The following NLRP13 variants were observed in gnomAD, a reference collection of about 807,000 sequenced individuals.
NLRP13 encodes the protein NACHT, LRR and PYD domains-containing protein 13.
NLRP13 carries 82 observed loss-of-function variants against 94.4 expected under a neutral mutation model. The observed-to-expected ratio is 0.87, with a 90% CI of 0.73 to 1.04. NLRP13 has a LOEUF of 1.04. Among genes scored for constraint, NLRP13 ranks in the 50% least tolerant of loss-of-function variants. NLRP13 has a pLI of 0.00. For synonymous variants in NLRP13, 553 were observed against 464.7 expected, an observed-to-expected ratio of 1.19 and a Z score of -2.45; for missense variants, 1,426 against 1,230.8, an observed-to-expected ratio of 1.16 and a Z score of -2.37.
intron 4 of NLRP13, among the ~76,000 whole-genome samples, chr19:55,921,597 T>C (rs944014531): frequency 4.6e-5 from 7 of 152,198 alleles, no homozygotes; most frequent in Non-Finnish European, 8.8e-5. Flanking sequence ...CAAAGGTATA[T>C]GGCAAAAGAA....
chr19:55,924,826 C>G, intron 2 of NLRP13, 141 bp downstream of exon 2: 2 of 831,016 alleles, frequency 2.4e-6, no homozygotes. Flanking sequence ...ATAAGCAATA[C>G]TGAAAGAATT....
At chr19:55,924,801 G>T in intron 2 of NLRP13, 143 bp from the exon 3 acceptor site, 1 of 859,496 alleles carries the variant, frequency 1.2e-6, no homozygotes, top group Non-Finnish European at 1.9e-6. Context: ...CCAGTTTACA[G>T]TAAGTTATCA....
intron 7 of NLRP13, among the ~76,000 whole-genome samples, chr19:55,906,734 A>G (rs1041368973): frequency 3.8e-5 from 5 of 130,374 alleles, no homozygotes; most frequent in African/African-American, 1.5e-4. Context: ...ACTCTTTGAA[A>G]GAGTGATCTG....
chr19:55,923,986 T>C lies in NLRP13; in HGVS notation c.458-7A>G. ...CCCTGGGCCTGTACATTCCCTGAAA[T>C]AAACAGTGATGATGAGATATGAAAA... On this transcript the variant is annotated splice_polypyrimidine_tract_variant and splice_region_variant and intron_variant, in intron 3 of 10. Coordinates refer to ENST00000342929, the MANE Select transcript of NLRP13 (RefSeq NM_176810.2). The C allele has an allele frequency of 1.2e-6, 2 of 1,611,612 alleles. No individual in the cohort carries two copies. The highest frequency in any genetic ancestry group is 1.7e-6 in the Non-Finnish European group (2 of 1,177,864).
In NLRP13 at chr19:55,932,257, G is replaced by T. The variant is rs1354954635; in HGVS notation, c.55C>A (p.Pro19Thr). ...TACTGATCCAGGGCCATCAGGTAAG[G>T]CAGAAGCCCTTGGTTGGTACCACCG... ...PNGGTNQGLLPYLMALDQYQL... is the reference protein window; with the variant it reads ...PNGGTNQGLLTYLMALDQYQL... The change falls in exon 1 of 11, where the codon CCT (proline) becomes ACT (threonine). Residue 19 changes from proline to threonine, a missense_variant. Pro to Thr is a conservative substitution (Grantham distance 38, BLOSUM62 -1). Transcript: ENST00000342929. 2 of 1,611,906 alleles carry T rather than the reference G, an allele frequency of 1.2e-6. No homozygotes were observed. The highest frequency in any genetic ancestry group is 1.7e-6 in the Non-Finnish European group (2 of 1,179,430).
chr19:55,924,756 A>C (rs1600278078), intron 2 of NLRP13, 98 bp from the exon 3 acceptor site: 9 of 1,069,124 alleles, frequency 8.4e-6, no homozygotes, highest in Non-Finnish European at 1.0e-5. Context: ...TTTCTATGGC[A>C]AACGGGATTG....
At chr19:55,904,821 A>G in intron 8 of NLRP13, 121 bp downstream of exon 8, 1 of 789,144 alleles carries the variant, frequency 1.3e-6, no homozygotes, top group Admixed American at 3.0e-5. Flanking sequence ...CCTGGCACAT[A>G]GTAATTACTC....
downstream of NLRP13, chr19:55,895,854 G>T: frequency 7.1e-7 from 1 of 1,407,192 alleles, no homozygotes; most frequent in Non-Finnish European, 9.8e-7. Flanking sequence ...TGAGGAAGCC[G>T]AGTGCAATGG....
rs772345745 is a variant in NLRP13 at position 55,898,902 on chromosome 19, C to T, written c.2825G>A (p.Gly942Glu). The change falls in exon 10 of 11, where the codon GGA becomes GAA. Residue 942 changes from glycine to glutamate, a missense_variant. Physicochemically the swap from Gly to Glu is moderately conservative, Grantham distance 98. Transcript: ENST00000342929. ...ATGGCTGAGGGCATTAGCCAGCTCT[C>T]CACAGCCCTCTCTTGTGAAAGAACA... is the stretch of plus-strand genomic sequence containing the variant. ...SGCSFTREGC[G>E]ELANALSHNH... 14 of 1,609,726 alleles carry T rather than the reference C, an allele frequency of 8.7e-6. No individual in the cohort carries two copies. Among genetic ancestry groups the T allele is most frequent in the African/African-American group, 1.3e-5 (1 of 74,824 alleles).
Position 55,912,191 on chromosome 19 carries a change from A to C in NLRP13, c.1626T>G (p.Phe542Leu), listed in dbSNP as rs757784014. 44 of 1,614,034 alleles carry C rather than the reference A, an allele frequency of 2.7e-5. No individual in the cohort carries two copies. Among genetic ancestry groups the C allele is most frequent in the Non-Finnish European group, 3.5e-5 (41 of 1,180,026 alleles). The change falls in exon 5 of 11, where the codon TTT (phenylalanine) becomes TTG (leucine). Residue 542 changes from phenylalanine (F) to leucine (L), a missense_variant. By Grantham distance (22) the Phe-to-Leu change is conservative. Coordinates refer to ENST00000342929, the MANE Select transcript of NLRP13 (RefSeq NM_176810.2). The stretch of plus-strand genomic sequence containing the variant: ...CTAGCACAAAGGACATGGCTGCAAA[A>C]AACTCCTGGAAACTTAGGTGGGTGA... ...TTFTHLSFQE[F>L]FAAMSFVLEE...
intron 3 of NLRP13, among the ~76,000 whole-genome samples, chr19:55,924,313 G>C (rs1369945503): frequency 2.6e-5 from 4 of 151,988 alleles, no homozygotes. Flanking sequence ...AGTAGAGATG[G>C]AGTTTCATCA....
chr19:55,908,033 T>C (rs1012702602), intron 6 of NLRP13, 77 bp from the exon 7 acceptor site: 1 of 1,318,130 alleles, frequency 7.6e-7, no homozygotes, highest in Non-Finnish European at 1.1e-6. Context: ...CTCCTCACCC[T>C]GCCTTCTACT....
intron 10 of NLRP13, among the ~76,000 whole-genome samples, chr19:55,897,132 G>A (rs1418348396): frequency 1.3e-5 from 2 of 152,030 alleles, no homozygotes; most frequent in African/African-American, 4.8e-5. Context: ...TGAACATAGG[G>A]TTGGCTAGCT....
chr19:55,925,232 G>T (rs1986939869), intron 1 of NLRP13, among the ~76,000 whole-genome samples, 197 bp from the exon 2 acceptor site: 1 of 152,198 alleles, frequency 6.6e-6, no homozygotes, highest in Non-Finnish European at 1.5e-5. Flanking sequence ...CACACGCTAA[G>T]CACATTCCTG....
At chr19:55,907,494 C>G (rs1986387710) in intron 7 of NLRP13, among the ~76,000 whole-genome samples, 1 of 152,116 alleles carries the variant, frequency 6.6e-6, no homozygotes. Flanking sequence ...ACTGCTTGAG[C>G]CAAGGAGGCA....
rs186521622 is a variant in NLRP13, at chr19:55,899,454, G to C, written c.2790-517C>G. On this transcript the variant is annotated intron_variant, in intron 9 of 10. Coordinates refer to ENST00000342929, the MANE Select transcript of NLRP13 (RefSeq NM_176810.2). ...CAAGGAAGCGACAGGAGGAGAAAGAGTCATCCAAAATCCTTAAACCCACCC... is the reference window on the plus strand; with the variant it reads ...CAAGGAAGCGACAGGAGGAGAAAGACTCATCCAAAATCCTTAAACCCACCC... Among the ~76,000 whole-genome samples, 10 of 152,024 alleles carry C rather than the reference G, an allele frequency of 6.6e-5. No homozygotes were observed. In the East Asian group the frequency reaches 1.9e-3, roughly 29 times the overall value.
Position 55,898,935 on chromosome 19 carries a change from A to G in NLRP13, c.2792T>C (p.Leu931Ser), listed in dbSNP as rs1986090562. 1.9e-6 allele frequency: 3 copies of G among 1,606,936 alleles called. No homozygotes were observed. The highest frequency in any genetic ancestry group is 2.5e-6 in the Non-Finnish European group (3 of 1,177,602). The change falls in exon 10 of 11, where the codon TTG becomes TCG. Residue 931 changes from leucine to serine, a missense_variant and splice_region_variant. Leu to Ser is a moderately radical substitution (Grantham distance 145). Coordinates refer to ENST00000342929, the MANE Select transcript of NLRP13 (RefSeq NM_176810.2). ...CTCTCTTGTGAAAGAACAACCTGAC[A>G]AACTGCAAAATAAAAACATACAAAA... ...RPDGNLQSLN[L>S]SGCSFTREGC...
At position 55,913,078 on chromosome 19, in the gene NLRP13, G is replaced by T; in HGVS notation, c.739C>A (p.Gln247Lys). ...AGVGKTTLAM[Q>K]AMLHWANGVL... ...CCATTTGCCCAGTGCAGCATAGCCT[G>T]CATTGCCAAGGTGGTCTTCCCAACC... The change falls in exon 5 of 11, where the codon CAG becomes AAG. Residue 247 changes from glutamine (Q) to lysine (K), a missense_variant. Coordinates refer to ENST00000342929, the MANE Select transcript of NLRP13 (RefSeq NM_176810.2). 1 of 1,614,104 alleles carries T rather than the reference G, an allele frequency of 6.2e-7. No individual in the cohort carries two copies. Among genetic ancestry groups the T allele is most frequent in the African/African-American group, 1.3e-5 (1 of 75,030 alleles).
rs570164177 is a variant in NLRP13, at chr19:55,901,546, T to C, written c.2789+489A>G. Among the ~76,000 whole-genome samples the C allele has an allele frequency of 5.3e-5, 8 of 152,040 alleles. No homozygotes were observed. The South Asian group carries it at 1.7e-3, about 32-fold the overall frequency. ...GGTGCTGTTAGCATGCCTGGGCACG[T>C]AGTAAAGGCAGAAAGAAAGAGAAGG... On this transcript the variant is annotated intron_variant, in intron 9 of 10. Transcript: ENST00000342929.
Sources: gnomAD v4.1 joint callset for allele counts (sites outside exome capture counted in the v4.1 genomes callset) on GRCh38, gnomAD v4.1.1 for gene constraint, MANE v1.5 for transcripts, NCBI Gene and HGNC (gene_info 2026-07-23, HGNC 2026-07-21) for gene names.